MAP3K7CL: variants seen among roughly 807,000 people sequenced by gnomAD.
MAP3K7CL encodes MAP3K7 C-terminal-like protein.
A neutral mutation model predicts 18.6 loss-of-function variants in MAP3K7CL; 16 were observed. The ratio of observed to expected loss-of-function variants is 0.86; its 90% CI spans 0.58 to 1.31. The LOEUF (loss-of-function observed/expected upper bound fraction) is 1.31, where lower values mean the gene tolerates loss of function less well. Among genes scored for constraint, MAP3K7CL ranks in the 50% most tolerant of loss-of-function variants. The pLI, the probability that MAP3K7CL is intolerant of heterozygous loss-of-function variation, is 0.00. For missense variants in MAP3K7CL, 163 were observed against 174.4 expected, an observed-to-expected ratio of 0.93 and a Z score of 0.37; for synonymous variants, 65 against 66.8, an observed-to-expected ratio of 0.97 and a Z score of 0.13.
rs1341071802 is a variant in MAP3K7CL, at chr21:29,133,437, G to T, written c.70+23G>T. The T allele has an allele frequency of 5.3e-6, 8 of 1,498,890 alleles. No homozygotes were observed. The East Asian group carries it at 2.0e-4, about 38-fold the overall frequency. 92.8% of individuals were successfully genotyped at this position (1,498,890 alleles called of 1,614,324 possible). A position where few individuals can be genotyped will look rare whatever the true frequency, so the allele number is the denominator to read the frequency against. On this transcript the variant is annotated intron_variant, in intron 2 of 4. Transcript: ENST00000399928. Reference sequence around the variant, plus strand: ...CAGGTATACTCTGCTCTGGAAGAAGGATTGTTTCCTTCATACCCCACCTTT... The same window carrying T: ...CAGGTATACTCTGCTCTGGAAGAAGTATTGTTTCCTTCATACCCCACCTTT...
At chr21:29,106,755 C>T (rs1832820042) in intron 4 of MAP3K7CL, among the ~76,000 whole-genome samples, 1 of 152,226 alleles carries the variant, frequency 6.6e-6, no homozygotes, top group African/African-American at 2.4e-5. Flanking sequence ...AGACTAGTTT[C>T]TGCCTTGTTA....
At chr21:29,086,052 G>T in intron 1 of MAP3K7CL, 1 of 943,314 alleles carries the variant, frequency 1.1e-6, no homozygotes. Context: ...AACCATTACT[G>T]TTGGCAATCT....
chr21:29,123,244 AATAGAC>A (rs1030711986), intron 4 of MAP3K7CL, among the ~76,000 whole-genome samples: 21 of 151,934 alleles, frequency 1.4e-4, no homozygotes, highest in African/African-American at 4.8e-4. Context: ...GTATATTTTT[AATAGAC>A]ATGAGGTTTC....
At chr21:29,112,710 A>C (rs1009475682) in intron 4 of MAP3K7CL, among the ~76,000 whole-genome samples, 1 of 152,136 alleles carries the variant, frequency 6.6e-6, no homozygotes, top group African/African-American at 2.4e-5. Context: ...ACAAGATACC[A>C]ATTATTTCCC....
At chr21:29,141,443 G>T (rs1042428278) in intron 2 of MAP3K7CL, among the ~76,000 whole-genome samples, 12 of 151,844 alleles carry the variant, frequency 7.9e-5, no homozygotes, top group Non-Finnish European at 1.6e-4. Context: ...AACCTGGGAG[G>T]CAGAGGTTGC....
chr21:29,141,905 G>T (rs2087016923), intron 2 of MAP3K7CL, among the ~76,000 whole-genome samples: 2 of 151,610 alleles, frequency 1.3e-5, no homozygotes, highest in South Asian at 2.1e-4. Flanking sequence ...AATTTTTTTT[G>T]ATATATTGGG....
chr21:29,099,113 A>G (rs1287834377), intron 4 of MAP3K7CL, among the ~76,000 whole-genome samples: 1 of 151,894 alleles, frequency 6.6e-6, no homozygotes, highest in Admixed American at 6.6e-5. Flanking sequence ...TCTTTTTGAG[A>G]CAGGGCCTGC....
At chr21:29,143,026 C>G (rs1043712145) in intron 2 of MAP3K7CL, among the ~76,000 whole-genome samples, 1 of 152,310 alleles carries the variant, frequency 6.6e-6, no homozygotes, top group African/African-American at 2.4e-5. Context: ...GATTCACTTG[C>G]CTTGTAAGTG....
At chr21:29,174,597 A>G (rs887262243) in intron 4 of MAP3K7CL, 115 bp from the exon 5 acceptor site, 1 of 1,339,242 alleles carries the variant, frequency 7.5e-7, no homozygotes, top group African/African-American at 1.5e-5. Context: ...AGAGATGGGA[A>G]AAAATTCAGA....
intron 2 of MAP3K7CL, among the ~76,000 whole-genome samples, chr21:29,145,089 A>G (rs767615099): frequency 6.6e-6 from 1 of 152,202 alleles, no homozygotes; most frequent in Non-Finnish European, 1.5e-5. Context: ...TGGTCTAGTA[A>G]GTCTACAGTG....
At chr21:29,125,104 G>T (rs956288336) in intron 4 of MAP3K7CL, among the ~76,000 whole-genome samples, 8 of 152,084 alleles carry the variant, frequency 5.3e-5, no homozygotes, top group African/African-American at 1.7e-4. Context: ...TTTTTCCTAT[G>T]TTTTTGCCCC....
intron 2 of MAP3K7CL, chr21:29,145,545 C>T (rs984577202): frequency 1.3e-5 from 2 of 152,146 alleles, no homozygotes; most frequent in African/African-American, 4.8e-5. Flanking sequence ...ATTTTTAAAA[C>T]CAGTCAAAGA....
At chr21:29,109,766 G>C (rs1178551728) in intron 4 of MAP3K7CL, 1 of 985,394 alleles carries the variant, frequency 1.0e-6, no homozygotes, top group Non-Finnish European at 1.2e-6. Flanking sequence ...TTGTACAATG[G>C]TCTAATAAAG....
At chr21:29,166,430 G>A (rs1488193486) in intron 4 of MAP3K7CL, among the ~76,000 whole-genome samples, 5 of 152,170 alleles carry the variant, frequency 3.3e-5, no homozygotes, top group Admixed American at 2.6e-4. Flanking sequence ...GGACACGTAG[G>A]TTGATCCTAT....
upstream of MAP3K7CL, chr21:29,130,488 G>A (rs190447433): frequency 1.7e-4 from 93 of 550,244 alleles, no homozygotes; most frequent in African/African-American, 1.5e-3. Context: ...ATTGGGTCAC[G>A]CTGAAGACAT....
Position 29,125,206 on chromosome 21 carries a change from C to T in MAP3K7CL, c.371-23983C>T, listed in dbSNP as rs191877678. On this transcript the variant is annotated intron_variant, in intron 4 of 6. Transcript: ENST00000286791. ...TTGCTCTTTTAATTGTCATAACAAC[C>T]TGTAGGACAGGTACTATGATTATCC... 5.1e-4 allele frequency among the ~76,000 whole-genome samples: 77 copies of T among 152,332 alleles called. 1 individual carries two copies. The highest frequency in any genetic ancestry group is 1.7e-3 in the African/African-American group (71 of 41,566).
intron 4 of MAP3K7CL, among the ~76,000 whole-genome samples, chr21:29,121,467 G>A (rs2086593734): frequency 6.6e-6 from 1 of 152,174 alleles, no homozygotes; most frequent in Non-Finnish European, 1.5e-5. Context: ...TCAAGCTAAT[G>A]TTAAGTTAGT....
chr21:29,172,250 T>C (rs199542506), intron 4 of MAP3K7CL, among the ~76,000 whole-genome samples: 59,341 of 143,268 alleles, frequency 0.41, 12,556 homozygotes, highest in African/African-American at 0.55. Flanking sequence ...TCTTTTTTTT[T>C]TTTTTTTTTT....
intron 4 of MAP3K7CL, among the ~76,000 whole-genome samples, chr21:29,169,042 T>C (rs925055774): frequency 2.6e-5 from 4 of 152,194 alleles, no homozygotes; most frequent in Non-Finnish European, 5.9e-5. Flanking sequence ...CCACCCTACA[T>C]TGGCAATACT....
Sources: allele counts gnomAD v4.1 joint callset (sites outside exome capture counted in the v4.1 genomes callset), GRCh38; gene constraint gnomAD v4.1.1; transcripts MANE v1.5; gene names NCBI Gene and HGNC (gene_info 2026-07-23, HGNC 2026-07-21).